The following RSF1 variants were observed in gnomAD, a reference collection of about 807,000 sequenced individuals.
RSF1 encodes the protein remodeling and spacing factor 1.
In RSF1, 13 loss-of-function variants were observed where a neutral mutation model predicts 145.2. That is an observed-to-expected ratio of 0.09 (90% CI 0.06 to 0.14). RSF1 has a LOEUF of 0.14. Ranked by LOEUF, RSF1 falls within the 10% of genes least tolerant of loss-of-function variation. The pLI is 1.00. For missense variants in RSF1, 1,517 were observed against 1,718.2 expected, an observed-to-expected ratio of 0.88 and a Z score of 2.07; for synonymous variants, 577 against 592.6, an observed-to-expected ratio of 0.97 and a Z score of 0.38.
intron 5 of RSF1, among the ~76,000 whole-genome samples, chr11:77,713,969 T>C (rs1053086451): frequency 6.6e-6 from 1 of 152,198 alleles, no homozygotes; most frequent in Non-Finnish European, 1.5e-5. Context: ...TATGTACAAG[T>C]AGATTTCCTA....
chr11:77,729,895 C>CAAACAAAAAAAAAAAAAAAAAAAAAAA (rs1961157043), intron 4 of RSF1, among the ~76,000 whole-genome samples: 1 of 48,906 alleles, frequency 2.0e-5, no homozygotes, highest in Non-Finnish European at 4.5e-5. Context: ...ATTCAGTAGG[C>CAAACAAAAAAAAAAAAAAAAAAAAAAA]AAAAAAAAAA....
At position 77,683,798 on chromosome 11, in the gene RSF1, G is replaced by T. The variant is rs1001765897; in HGVS notation, c.2977C>A (p.Gln993Lys). ...TTTGAATCTTTTTTCTTTTCTTCTT[G>T]ATCTTCAGAAAAGTCTGGCTCCTTA... Reference protein sequence around the residue: ...PPQEPDFSEDQEEKKKDSKKS... With the variant: ...PPQEPDFSEDKEEKKKDSKKS... The change falls in exon 11 of 16, where the codon CAA (glutamine) becomes AAA (lysine). Residue 993 changes from glutamine to lysine, a missense_variant. Transcript: ENST00000308488. The T allele has an allele frequency of 1.2e-6, 2 of 1,611,152 alleles. No homozygotes were observed. Among genetic ancestry groups the T allele is most frequent in the African/African-American group, 2.7e-5 (2 of 74,652 alleles).
intron 1 of RSF1, among the ~76,000 whole-genome samples, chr11:77,804,520 G>C (rs1342936342): frequency 1.3e-5 from 2 of 152,148 alleles, no homozygotes; most frequent in East Asian, 3.9e-4. Context: ...TAATATTACA[G>C]GTCTATATAA....
intron 1 of RSF1, among the ~76,000 whole-genome samples, chr11:77,789,554 C>G (rs770657228): frequency 6.6e-5 from 10 of 152,176 alleles, no homozygotes; most frequent in Non-Finnish European, 7.4e-5. Context: ...CGAGCACCCC[C>G]AGACTGATCA....
chr11:77,699,645 T>C (rs1308991552), intron 6 of RSF1, among the ~76,000 whole-genome samples: 1 of 152,192 alleles, frequency 6.6e-6, no homozygotes, highest in East Asian at 1.9e-4. Context: ...GGCACTGTCA[T>C]ACACTGGTAA....
intron 13 of RSF1, 102 bp from the exon 14 acceptor site, chr11:77,675,358 G>C: frequency 1.2e-6 from 1 of 812,956 alleles, no homozygotes; most frequent in Non-Finnish European, 1.9e-6. Flanking sequence ...GAATCATTAA[G>C]TATAGTGCAA....
intron 1 of RSF1, among the ~76,000 whole-genome samples, chr11:77,781,957 G>A (rs1408953616): frequency 6.6e-6 from 1 of 152,066 alleles, no homozygotes; most frequent in East Asian, 1.9e-4. Context: ...TACTAATATA[G>A]TCATTAGTCT....
At chr11:77,793,030 A>T (rs1590890420) in intron 1 of RSF1, among the ~76,000 whole-genome samples, 1 of 152,234 alleles carries the variant, frequency 6.6e-6, no homozygotes, top group Non-Finnish European at 1.5e-5. Context: ...CCTGTAAATC[A>T]CAAAGATAAA....
chr11:77,752,558 C>A (rs1948074383), intron 2 of RSF1, among the ~76,000 whole-genome samples: 1 of 152,066 alleles, frequency 6.6e-6, no homozygotes, highest in South Asian at 2.1e-4. Context: ...TTTCTGGGAC[C>A]CCTCTCTGTA....
intron 5 of RSF1, among the ~76,000 whole-genome samples, chr11:77,719,453 A>G (rs1053047944): frequency 5.9e-5 from 9 of 152,206 alleles, no homozygotes; most frequent in African/African-American, 2.2e-4. Context: ...GACAAAAGAA[A>G]GGAGTATGGC....
chr11:77,709,399 G>C (rs1445800621), intron 5 of RSF1, among the ~76,000 whole-genome samples: 1 of 152,166 alleles, frequency 6.6e-6, no homozygotes, highest in South Asian at 2.1e-4. Context: ...TCACAATACT[G>C]AAGATAGTGC....
chr11:77,750,451 CAT>C (rs1948050129), intron 2 of RSF1, among the ~76,000 whole-genome samples: 1 of 152,204 alleles, frequency 6.6e-6, no homozygotes, highest in South Asian at 2.1e-4. Context: ...AGAATTTTTA[CAT>C]GTCACCAAAT....
intron 13 of RSF1, 139 bp downstream of exon 13, chr11:77,676,653 A>T: frequency 1.6e-6 from 1 of 618,764 alleles, no homozygotes; most frequent in Non-Finnish European, 2.7e-6. Flanking sequence ...AATCTGCTTT[A>T]AATATCCTGA....
chr11:77,706,627 T>C lies in RSF1; in HGVS notation c.734-4132A>G, dbSNP rs568874596. 2.0e-5 allele frequency among the ~76,000 whole-genome samples: 3 copies of C among 152,276 alleles called. No individual in the cohort carries two copies. In the South Asian group the frequency reaches 6.2e-4, roughly 32 times the overall value. ...TTAACTCTGCCTAGTAAGCAATTGCTATTTTGTACCTTTTAAGATTCCTCA... is the reference window on the plus strand; with the variant it reads ...TTAACTCTGCCTAGTAAGCAATTGCCATTTTGTACCTTTTAAGATTCCTCA... On this transcript the variant is annotated intron_variant, in intron 5 of 15. Coordinates refer to ENST00000308488, the MANE Select transcript of RSF1 (RefSeq NM_016578.4).
intron 10 of RSF1, among the ~76,000 whole-genome samples, chr11:77,684,103 G>C (rs1790889990): frequency 1.3e-5 from 2 of 152,138 alleles, no homozygotes; most frequent in African/African-American, 4.8e-5. Context: ...TTTTTCCATT[G>C]ATAAATAATT....
intron 5 of RSF1, among the ~76,000 whole-genome samples, chr11:77,718,864 T>C (rs1479629032): frequency 1.3e-5 from 2 of 152,240 alleles, no homozygotes; most frequent in African/African-American, 2.4e-5. Context: ...CGTTAAGTTA[T>C]ATTATTTTGC....
At chr11:77,671,634 A>AT (rs145812199) in intron 15 of RSF1, among the ~76,000 whole-genome samples, 50 of 122,366 alleles carry the variant, frequency 4.1e-4, no homozygotes, top group Middle Eastern at 3.9e-3. Flanking sequence ...GGTTATATGG[A>AT]TTTTTTTTTT....
intron 1 of RSF1, among the ~76,000 whole-genome samples, chr11:77,790,128 A>G (rs1232704724): frequency 2.6e-5 from 4 of 152,212 alleles, no homozygotes; most frequent in African/African-American, 9.6e-5. Context: ...CACTGCTGAT[A>G]AAGACATACC....
At chr11:77,871,019 C>T in the RSF1 span, among the ~76,000 whole-genome samples, 1 of 152,044 alleles carries the variant, frequency 6.6e-6, no homozygotes, top group Non-Finnish European at 1.5e-5. Flanking sequence ...ATATATAGGG[C>T]ACCTTCATCA....
Sources: gnomAD v4.1 joint callset for allele counts (sites outside exome capture counted in the v4.1 genomes callset) on GRCh38, gnomAD v4.1.1 for gene constraint, MANE v1.5 for transcripts, NCBI Gene and HGNC (gene_info 2026-07-23, HGNC 2026-07-21) for gene names.